PCYT1B: variants seen among roughly 807,000 people sequenced by gnomAD.
PCYT1B encodes the protein choline-phosphate cytidylyltransferase B.
A neutral mutation model predicts 26.4 loss-of-function variants in PCYT1B; 10 were observed. That is an observed-to-expected ratio of 0.38 (90% CI 0.23 to 0.64). The LOEUF (loss-of-function observed/expected upper bound fraction) is 0.64, where lower values mean the gene tolerates loss of function less well. Ranked by LOEUF, PCYT1B falls within the 30% of genes least tolerant of loss-of-function variation. PCYT1B has a pLI of 0.56. For missense variants in PCYT1B, 161 were observed against 292.7 expected (o/e 0.55, Z 3.28); for synonymous variants, 131 against 108.4 (o/e 1.21, Z -1.29).
chrX:24,627,476 GGCGT>G (rs1293729423), intron 1 of PCYT1B, among the ~76,000 whole-genome samples: 2 of 111,607 alleles, frequency 1.8e-5, no homozygotes, highest in Admixed American at 9.6e-5. Context: ...TGGGACTACA[GGCGT>G]GTGCCACCAC....
intron 1 of PCYT1B, among the ~76,000 whole-genome samples, chrX:24,670,212 A>G (rs1053115093): frequency 9.0e-6 from 1 of 111,394 alleles, no homozygotes; most frequent in African/African-American, 3.3e-5. Context: ...AATTGAGGTA[A>G]TGTCTGGGCA....
At chrX:24,629,796 C>T (rs780837387) in intron 1 of PCYT1B, among the ~76,000 whole-genome samples, 13 of 110,073 alleles carry the variant, frequency 1.2e-4, no homozygotes, top group African/African-American at 3.6e-4. Flanking sequence ...CCATCTCATG[C>T]GGCCACTTTC....
At chrX:24,637,489 A>ATATATATATATATATATATATATATATAT (rs1399115470) in intron 1 of PCYT1B, among the ~76,000 whole-genome samples, 1 of 55,761 alleles carries the variant, frequency 1.8e-5, no homozygotes, top group African/African-American at 1.5e-4. Flanking sequence ...TAAAAAAAAA[A>ATATATATATATATATATATATATATATAT]AAATATATAT....
At chrX:24,575,344 A>C in intron 6 of PCYT1B, 26 bp from the exon 7 acceptor site, 1 of 1,088,316 alleles carries the variant, frequency 9.2e-7, no homozygotes, top group Non-Finnish European at 1.2e-6. Flanking sequence ...AGGAAAAAAA[A>C]AAACAGATTT....
At chrX:24,614,162 C>T (rs1235783565) in intron 2 of PCYT1B, among the ~76,000 whole-genome samples, 6 of 110,726 alleles carry the variant, frequency 5.4e-5, no homozygotes, top group Non-Finnish European at 9.4e-5. Context: ...ACCAAAGGTG[C>T]CGATTCTGAT....
intron 4 of PCYT1B, among the ~76,000 whole-genome samples, chrX:24,588,266 A>T (rs186038041): frequency 7.6e-4 from 85 of 111,511 alleles, no homozygotes; most frequent in Middle Eastern, 4.7e-3. Flanking sequence ...CAGATTACTG[A>T]CACCAACTTG....
rs191257164 is a variant in PCYT1B at position 24,656,823 on chromosome X, C to T, written c.63+15747G>A. On this transcript the variant is annotated intron_variant, in intron 1 of 7. Transcript: ENST00000379145. The stretch of plus-strand genomic sequence containing the variant: ...CTGGGATTACAGGCGTGAGCCACTG[C>T]GCCAGGCCCAGCTCCAATATTCTTA... 3.5e-3 allele frequency among the ~76,000 whole-genome samples: 389 copies of T among 110,774 alleles called. 4 individuals carry two copies. The highest frequency in any genetic ancestry group is 0.011 in the African/African-American group (334 of 30,510).
intron 1 of PCYT1B, among the ~76,000 whole-genome samples, chrX:24,653,762 T>G (rs1035117429): frequency 9.1e-6 from 1 of 110,442 alleles, no homozygotes; most frequent in African/African-American, 3.3e-5. Context: ...ATTCTTTTTT[T>G]TTTTTTTGAG....
chrX:24,563,117 T>G (rs1923491782), intron 7 of PCYT1B, among the ~76,000 whole-genome samples: 1 of 111,514 alleles, frequency 9.0e-6, no homozygotes, highest in Non-Finnish European at 1.9e-5. Context: ...AGGCAAGTAG[T>G]CATGACCTAC....
upstream of PCYT1B, among the ~76,000 whole-genome samples, chrX:24,649,602 A>C (rs931465508): frequency 2.7e-5 from 3 of 111,793 alleles, no homozygotes; most frequent in Non-Finnish European, 5.6e-5. Flanking sequence ...TGAGAGGTTC[A>C]CCTGTTCACC....
chrX:24,619,221 C>T, intron 1 of PCYT1B, 137 bp from the exon 2 acceptor site: 2 of 496,634 alleles, frequency 4.0e-6, no homozygotes, highest in East Asian at 3.6e-5. Flanking sequence ...CAGAGAAATA[C>T]TGTACTGTTA....
chrX:24,627,775 G>A (rs188515580), intron 1 of PCYT1B, among the ~76,000 whole-genome samples: 1,143 of 111,723 alleles, frequency 0.01, 20 homozygotes, highest in African/African-American at 0.035. Context: ...TGATCGCAGC[G>A]GAGGTGGTAA....
At chrX:24,572,259 C>CGT (rs1491371927) in intron 7 of PCYT1B, among the ~76,000 whole-genome samples, 12 of 101,520 alleles carry the variant, frequency 1.2e-4, no homozygotes, top group South Asian at 4.6e-4. Context: ...CATACACACA[C>CGT]GCGCGCGCAC....
upstream of PCYT1B, among the ~76,000 whole-genome samples, chrX:24,652,153 C>T (rs1926796639): frequency 8.9e-6 from 1 of 112,495 alleles, no homozygotes; most frequent in African/African-American, 3.2e-5. Context: ...CAGATCAGTG[C>T]TGTCCCTAAC....
chrX:24,669,501 G>GAAAAAAA (rs60562762), intron 1 of PCYT1B, among the ~76,000 whole-genome samples: 1 of 31,550 alleles, frequency 3.2e-5, no homozygotes, highest in Non-Finnish European at 5.1e-5. Context: ...CTTCGTCTCA[G>GAAAAAAA]AAAAAAAAAA....
intron 3 of PCYT1B, among the ~76,000 whole-genome samples, chrX:24,597,053 G>A (rs939838131): frequency 9.9e-5 from 11 of 111,543 alleles, no homozygotes; most frequent in African/African-American, 3.6e-4. Flanking sequence ...CAGAAAGACA[G>A]TCTAAGATAA....
chrX:24,606,641 A>T (rs1347713143), intron 3 of PCYT1B, among the ~76,000 whole-genome samples: 1 of 112,239 alleles, frequency 8.9e-6, no homozygotes, highest in African/African-American at 3.2e-5. Context: ...AGGTGGGTGG[A>T]TCACCTGAGG....
In PCYT1B at chrX:24,607,875, A is replaced by G; in HGVS notation, c.218-14T>C. 3 of 963,341 alleles carry G rather than the reference A, an allele frequency of 3.1e-6. No homozygotes were observed. Among genetic ancestry groups the G allele is most frequent in the Non-Finnish European group, 1.5e-6 (1 of 680,074 alleles). The allele number at this position is 963,341 out of a possible 1,213,427, so 79.4% of individuals were successfully genotyped here. A position where few individuals can be genotyped will look rare whatever the true frequency, so the allele number is the denominator to read the frequency against. On this transcript the variant is annotated splice_polypyrimidine_tract_variant and intron_variant, in intron 2 of 7. Coordinates refer to ENST00000379144, the MANE Select transcript of PCYT1B (RefSeq NM_004845.5). ...CAGGCCTGTCAGCTGTGGGAGAAAG[A>G]AAACACTGTTAACAGAACTGCAGAA...
At chrX:24,616,070 C>T (rs1213244205) in intron 2 of PCYT1B, among the ~76,000 whole-genome samples, 1 of 110,793 alleles carries the variant, frequency 9.0e-6, no homozygotes, top group Non-Finnish European at 1.9e-5. Flanking sequence ...ATGGTCTTTG[C>T]AAAGAGTACA....
Sources: gnomAD v4.1 joint callset for allele counts (sites outside exome capture counted in the v4.1 genomes callset) on GRCh38, gnomAD v4.1.1 for gene constraint, MANE v1.5 for transcripts, NCBI Gene and HGNC (gene_info 2026-07-23, HGNC 2026-07-21) for gene names.